SUMF2: variants seen among roughly 807,000 people sequenced by gnomAD.
SUMF2 encodes the protein inactive C-alpha-formylglycine-generating enzyme 2.
Under a neutral mutation model 44.8 loss-of-function variants are expected in SUMF2, and 45 were observed. The ratio of observed to expected loss-of-function variants is 1.00; its 90% CI spans 0.79 to 1.29. The LOEUF is 1.29. SUMF2 is among the 50% of genes most tolerant of loss of function. The pLI is 0.00. For missense variants in SUMF2, 418 were observed against 389.9 expected, an observed-to-expected ratio of 1.07 and a Z score of -0.61; for synonymous variants, 148 against 150.4, an observed-to-expected ratio of 0.98 and a Z score of 0.12.
chr7:56,069,233 C>A (rs565971721), intron 2 of SUMF2, among the ~76,000 whole-genome samples: 1 of 152,006 alleles, frequency 6.6e-6, no homozygotes, highest in Non-Finnish European at 1.5e-5. Context: ...TATAAGCAAA[C>A]GCCAGTCACT....
At chr7:56,078,322 C>T (rs950565696) in intron 7 of SUMF2, 42 bp from the exon 8 acceptor site, 14 of 1,556,296 alleles carry the variant, frequency 9.0e-6, no homozygotes, top group Admixed American at 3.7e-5. Context: ...GCGGGGTGGT[C>T]GGCGGGTCCC....
chr7:56,079,883 A>G lies in SUMF2; in HGVS notation c.*271A>G. The G allele has an allele frequency of 6.5e-7, 1 of 1,530,984 alleles. No homozygotes were observed. Among genetic ancestry groups the G allele is most frequent in the Non-Finnish European group, 8.8e-7 (1 of 1,135,468 alleles). 94.8% of individuals were successfully genotyped at this position (1,530,984 alleles called of 1,614,324 possible). A position where few individuals can be genotyped will look rare whatever the true frequency, so the allele number is the denominator to read the frequency against. On this transcript the variant is annotated 3_prime_UTR_variant, in exon 9 of 9. Coordinates refer to ENST00000434526, the MANE Select transcript of SUMF2 (RefSeq NM_015411.4). Reference sequence around the variant, plus strand: ...CCAAGTATTATTGACACAGGATTGCAAACACACAAACAATTGGAACAGAGC... The same window carrying G: ...CCAAGTATTATTGACACAGGATTGCGAACACACAAACAATTGGAACAGAGC...
At chr7:56,084,415 C>T (rs1796163844), downstream of SUMF2, among the ~76,000 whole-genome samples, 1 of 150,146 alleles carries the variant, frequency 6.7e-6, no homozygotes, top group African/African-American at 2.5e-5. Flanking sequence ...TGCTCATCAC[C>T]CAGGCTGGAG....
Position 56,078,441 on chromosome 7 carries a change from C to T in SUMF2, c.754C>T (p.Leu252Phe), listed in dbSNP as rs756427625. ...YQAAEQDMRV[L>F]RGASWIDTAD... is the part of the protein sequence containing the mutation. Reference sequence around the variant, plus strand: ...GGCTGCTGAGCAGGACATGCGCGTCCTCCGGGGGGCATCCTGGATCGACAC... The same window carrying T: ...GGCTGCTGAGCAGGACATGCGCGTCTTCCGGGGGGCATCCTGGATCGACAC... The change falls in exon 8 of 9, where the codon CTC (leucine) becomes TTC (phenylalanine). Residue 252 changes from leucine to phenylalanine, a missense_variant. Leu to Phe is a conservative substitution (Grantham distance 22). Transcript: ENST00000434526. 9.9e-6 allele frequency: 16 copies of T among 1,609,312 alleles called. No homozygotes were observed. The highest frequency in any genetic ancestry group is 2.7e-5 in the African/African-American group (2 of 74,812).
In SUMF2 at chr7:56,079,564, C is replaced by G; in HGVS notation, c.858C>G (p.Leu286=). 6.2e-7 allele frequency: 1 copy of G among 1,614,090 alleles called. No homozygotes were observed. The highest frequency in any genetic ancestry group is 8.5e-7 in the Non-Finnish European group (1 of 1,179,952). The change falls in exon 9 of 9, where the codon CTC becomes CTG. Residue 286 remains leucine (L), a synonymous_variant. Transcript: ENST00000434526. ...GNTPDSASDN[L]GFRCAADAGR... ...CTCCAGATTCAGCCTCAGACAACCT[C>G]GGTTTCCGCTGTGCTGCAGACGCAG...
At chr7:56,086,859 G>C in the SUMF2 span, 1 of 837,308 alleles carries the variant, frequency 1.2e-6, no homozygotes, top group Non-Finnish European at 2.1e-6. Flanking sequence ...ATTGTATTTG[G>C]CATCCTCAGC....
rs758331743 is a variant in SUMF2, at chr7:56,064,322, A to C, written c.11A>C (p.His4Pro). The C allele has an allele frequency of 6.3e-6, 10 of 1,597,018 alleles. No individual in the cohort carries two copies. In the Admixed American group the frequency reaches 1.4e-4, roughly 22 times the overall value. Residue 4 changes from histidine to proline, a missense_variant, in exon 1 of 9, where the codon CAT becomes CCT. Coordinates refer to ENST00000434526, the MANE Select transcript of SUMF2 (RefSeq NM_015411.4). The stretch of plus-strand genomic sequence containing the variant: ...AGCGCGGCAGTCCTGATGGCCCGGC[A>C]TGGGTTACCGCTGCTGCCCCTGCTG... MAR[H>P]GLPLLPLLSL...
At chr7:56,082,226 G>C (rs192764931), downstream of SUMF2, 8 of 1,613,618 alleles carry the variant, frequency 5.0e-6, no homozygotes, top group African/African-American at 8.0e-5. Flanking sequence ...AATCTCAGGG[G>C]CCAGGTAACT....
chr7:56,082,254 C>G (rs781216239), downstream of SUMF2: 2 of 1,612,390 alleles, frequency 1.2e-6, no homozygotes, highest in Admixed American at 3.3e-5. Flanking sequence ...CCGCAGACCT[C>G]TGCAGGAACA....
chr7:56,087,568 C>A, the SUMF2 span: 19 of 1,598,696 alleles, frequency 1.2e-5, no homozygotes, highest in Admixed American at 3.2e-4. Flanking sequence ...AGGGGGGCAC[C>A]CTGCCGTGTG....
At chr7:56,085,777 C>T in the SUMF2 span, among the ~76,000 whole-genome samples, 14 of 151,838 alleles carry the variant, frequency 9.2e-5, no homozygotes, top group African/African-American at 2.4e-4. Context: ...CCAGACTGGC[C>T]AACATGGCAA....
At chr7:56,082,087 G>A (rs761035392), downstream of SUMF2, 1 of 1,609,478 alleles carries the variant, frequency 6.2e-7, no homozygotes, top group Non-Finnish European at 8.5e-7. Flanking sequence ...CCAGCGCCAG[G>A]GGCACCGGCC....
chr7:56,068,700 C>CTT (rs878935853), intron 2 of SUMF2, 62 bp downstream of exon 2: 1,014 of 1,284,560 alleles, frequency 7.9e-4, no homozygotes, highest in East Asian at 1.4e-3. Context: ...TTTTTTCTTT[C>CTT]TTTTTTTTTT....
At chr7:56,080,921 C>G, downstream of SUMF2, 5 of 1,052,342 alleles carry the variant, frequency 4.8e-6, no homozygotes, top group South Asian at 6.4e-5. Context: ...ATCGTGGCCT[C>G]AGTTCCAGGG....
intron 2 of SUMF2, among the ~76,000 whole-genome samples, chr7:56,072,135 A>G (rs1795207133): frequency 6.7e-6 from 1 of 149,166 alleles, no homozygotes; most frequent in Non-Finnish European, 1.5e-5. Flanking sequence ...AAAAAAAAAA[A>G]AAAATATTGG....
chr7:56,084,317 T>G, downstream of SUMF2: 1 of 850,602 alleles, frequency 1.2e-6, no homozygotes, highest in Non-Finnish European at 1.9e-6. Context: ...GAGGGGACTA[T>G]GAACCACTGG....
intron 1 of SUMF2, among the ~76,000 whole-genome samples, chr7:56,066,043 T>G (rs1794763591): frequency 7.9e-6 from 1 of 126,270 alleles, no homozygotes; most frequent in Admixed American, 1.0e-4. Context: ...ATCGGGCCAC[T>G]GCACTCTGAC....
the SUMF2 span, chr7:56,087,089 C>G: frequency 1.5e-6 from 2 of 1,292,658 alleles, no homozygotes; most frequent in Non-Finnish European, 2.3e-6. Context: ...AGCCGGGGCA[C>G]GGGGGTCAGG....
Position 56,073,043 on chromosome 7 carries a change from G to C in SUMF2, c.271G>C (p.Gly91Arg), listed in dbSNP as rs1323704910. Residue 91 changes from glycine to arginine, a missense_variant, in exon 3 of 9, where the codon GGA (glycine) becomes CGA (arginine). Physicochemically the swap from Gly to Arg is moderately radical, Grantham distance 125 (BLOSUM62 -2). Coordinates refer to ENST00000434526, the MANE Select transcript of SUMF2 (RefSeq NM_015411.4). ...KKYRTEAEMF[G>R]WSFVFEDFVS... ...GTATCGGACAGAAGCTGAGATGTTTGGATGGAGCTTTGTCTTTGAGGACTT... is the reference window on the plus strand; with the variant it reads ...GTATCGGACAGAAGCTGAGATGTTTCGATGGAGCTTTGTCTTTGAGGACTT... 1 of 1,614,156 alleles carries C rather than the reference G, an allele frequency of 6.2e-7. No homozygotes were observed. The highest frequency in any genetic ancestry group is 2.2e-5 in the East Asian group (1 of 44,876).
Sources: gnomAD v4.1 joint callset for allele counts (sites outside exome capture counted in the v4.1 genomes callset) on GRCh38, gnomAD v4.1.1 for gene constraint, MANE v1.5 for transcripts, NCBI Gene and HGNC (gene_info 2026-07-23, HGNC 2026-07-21) for gene names.